The following FABP7 variants were observed in gnomAD, a reference collection of about 807,000 sequenced individuals.
The protein encoded by FABP7 is fatty acid binding protein 7, also known as fatty acid-binding protein, brain.
In FABP7, 13 loss-of-function variants were observed where a neutral mutation model predicts 14.2. The observed-to-expected ratio is 0.91, with a 90% CI of 0.59 to 1.45. The LOEUF (loss-of-function observed/expected upper bound fraction) is 1.45. FABP7 is among the 40% of genes most tolerant of loss of function. The pLI is 0.00. For missense variants in FABP7, 149 were observed against 157.6 expected (o/e 0.95, Z 0.29); for synonymous variants, 49 against 51.4 (o/e 0.95, Z 0.20).
the FABP7 span, among the ~76,000 whole-genome samples, chr6:122,773,140 T>G: frequency 6.6e-6 from 1 of 152,178 alleles, no homozygotes; most frequent in Non-Finnish European, 1.5e-5. Context: ...CAGGTTTCTT[T>G]CCCCAAAATT....
chr6:122,765,603 C>G, the FABP7 span, among the ~76,000 whole-genome samples: 1 of 151,952 alleles, frequency 6.6e-6, no homozygotes, highest in Non-Finnish European at 1.5e-5. Context: ...TCTGAAAGTT[C>G]TCTTCAAACA....
chr6:122,776,692 G>C (rs971993467), upstream of FABP7, among the ~76,000 whole-genome samples: 1 of 152,062 alleles, frequency 6.6e-6, no homozygotes, highest in Non-Finnish European at 1.5e-5. Context: ...CCAACAAAAA[G>C]AAATGACCAA....
At chr6:122,756,879 T>C in the FABP7 span, among the ~76,000 whole-genome samples, 7 of 152,322 alleles carry the variant, frequency 4.6e-5, no homozygotes, top group African/African-American at 1.4e-4. Context: ...ATCCTTGTTT[T>C]CCTCTCATTT....
At chr6:122,762,050 G>A in the FABP7 span, among the ~76,000 whole-genome samples, 24 of 151,872 alleles carry the variant, frequency 1.6e-4, no homozygotes, top group Non-Finnish European at 2.2e-4. Flanking sequence ...TGAGGCCAGC[G>A]TCATCCTGAT....
the FABP7 span, among the ~76,000 whole-genome samples, chr6:122,764,129 G>T: frequency 3.9e-5 from 6 of 152,114 alleles, no homozygotes; most frequent in African/African-American, 1.4e-4. Flanking sequence ...CGAAGACTTG[G>T]AACTAACCCA....
the FABP7 span, among the ~76,000 whole-genome samples, chr6:122,762,049 C>T: frequency 6.6e-6 from 1 of 152,134 alleles, no homozygotes; most frequent in Non-Finnish European, 1.5e-5. Flanking sequence ...ATGAGGCCAG[C>T]GTCATCCTGA....
chr6:122,751,065 A>G, the FABP7 span, among the ~76,000 whole-genome samples: 83 of 152,316 alleles, frequency 5.4e-4, no homozygotes, highest in Admixed American at 1.4e-3. Flanking sequence ...AATCATATGT[A>G]TTATGAATAA....
the FABP7 span, among the ~76,000 whole-genome samples, chr6:122,764,043 A>G: frequency 2.6e-5 from 4 of 152,216 alleles, no homozygotes; most frequent in African/African-American, 4.8e-5. Context: ...ATTACTGGGT[A>G]TATACCCAAA....
At chr6:122,782,166 T>C (rs1051321487) in intron 3 of FABP7, 1 of 983,234 alleles carries the variant, frequency 1.0e-6, no homozygotes, top group Non-Finnish European at 1.2e-6. Flanking sequence ...TTTTTTTCAA[T>C]CAGCCTCTTC....
upstream of FABP7, among the ~76,000 whole-genome samples, chr6:122,778,113 C>T (rs1434173776): frequency 2.6e-5 from 4 of 152,176 alleles, no homozygotes; most frequent in Non-Finnish European, 5.9e-5. Flanking sequence ...GACCACTTTC[C>T]CAAGGCTTCT....
At chr6:122,751,865 C>A in the FABP7 span, among the ~76,000 whole-genome samples, 1 of 152,114 alleles carries the variant, frequency 6.6e-6, no homozygotes, top group Non-Finnish European at 1.5e-5. Context: ...GCTTCCTCCC[C>A]ATCTCCCTCC....
the FABP7 span, among the ~76,000 whole-genome samples, chr6:122,774,344 A>G: frequency 8.4e-6 from 1 of 119,268 alleles, no homozygotes; most frequent in South Asian, 3.2e-4. Context: ...CCTGGGTGAC[A>G]GAGATAGACT....
the FABP7 span, among the ~76,000 whole-genome samples, chr6:122,759,485 A>G: frequency 6.6e-6 from 1 of 152,164 alleles, no homozygotes; most frequent in African/African-American, 2.4e-5. Context: ...CAAGCATCCA[A>G]TCTTAATCAG....
Position 122,783,701 on chromosome 6 carries a change from C to A in FABP7, c.349-16C>A. 6.3e-7 allele frequency: 1 copy of A among 1,589,936 alleles called. No homozygotes were observed. Among genetic ancestry groups the A allele is most frequent in the South Asian group, 1.2e-5 (1 of 85,518 alleles). On this transcript the variant is annotated splice_polypyrimidine_tract_variant and intron_variant, in intron 3 of 3. Transcript: ENST00000368444. ...TTCCTGTATAAAAAGATTTGATTAT[C>A]TTTTGAACCTTGCAGACCCTTACTT... is the stretch of plus-strand genomic sequence containing the variant.
chr6:122,768,219 C>T, the FABP7 span, among the ~76,000 whole-genome samples: 3 of 152,108 alleles, frequency 2.0e-5, no homozygotes, highest in African/African-American at 4.8e-5. Flanking sequence ...CAATATTAAG[C>T]ATTGGGGAAT....
chr6:122,750,133 TTA>T, the FABP7 span, among the ~76,000 whole-genome samples: 3 of 152,178 alleles, frequency 2.0e-5, no homozygotes, highest in Admixed American at 6.5e-5. Flanking sequence ...TTTTAAATTT[TTA>T]TGTTTTATAA....
intron 3 of FABP7, chr6:122,781,461 T>A: frequency 7.2e-7 from 1 of 1,387,218 alleles, no homozygotes; most frequent in Non-Finnish European, 9.3e-7. Context: ...GCCATTGATT[T>A]GCCTAAAACT....
At chr6:122,754,856 T>A in the FABP7 span, among the ~76,000 whole-genome samples, 1 of 152,016 alleles carries the variant, frequency 6.6e-6, no homozygotes, top group Non-Finnish European at 1.5e-5. Context: ...ACACAGAAGA[T>A]CTATCCAACT....
At chr6:122,759,589 T>G in the FABP7 span, among the ~76,000 whole-genome samples, 18 of 152,198 alleles carry the variant, frequency 1.2e-4, no homozygotes, top group Non-Finnish European at 2.4e-4. Flanking sequence ...AGTAACTCAT[T>G]TAGTCCTTAC....
Sources: allele counts gnomAD v4.1 joint callset (sites outside exome capture counted in the v4.1 genomes callset), GRCh38; gene constraint gnomAD v4.1.1; transcripts MANE v1.5; gene names NCBI Gene and HGNC (gene_info 2026-07-23, HGNC 2026-07-21).